Variants in SYCP1 observed in about 807,000 individuals in gnomAD.
SYCP1 encodes the protein cancer/testis antigen 8.
SYCP1 carries 64 observed loss-of-function variants against 153.1 expected under a neutral mutation model. That is an observed-to-expected ratio of 0.42 (90% CI 0.34 to 0.51). The LOEUF is 0.51. Among genes scored for constraint, SYCP1 ranks in the 20% least tolerant of loss-of-function variants. The pLI is 0.06. For missense variants in SYCP1, 997 were observed against 1,049.0 expected, an observed-to-expected ratio of 0.95 and a Z score of 0.68; for synonymous variants, 384 against 341.8, an observed-to-expected ratio of 1.12 and a Z score of -1.36.
chr1:114,904,541 G>A (rs568137011), intron 16 of SYCP1, among the ~76,000 whole-genome samples: 4 of 152,228 alleles, frequency 2.6e-5, no homozygotes, highest in Admixed American at 6.5e-5. Context: ...GTACATGAAC[G>A]TAGTATCTGT....
chr1:114,857,966 A>T (rs1030108455), intron 5 of SYCP1, among the ~76,000 whole-genome samples: 1 of 152,038 alleles, frequency 6.6e-6, no homozygotes, highest in Non-Finnish European at 1.5e-5. Flanking sequence ...GTATCACAGA[A>T]TTTAAAATAT....
intron 24 of SYCP1, 69 bp from the exon 25 acceptor site, chr1:114,944,803 T>C (rs912611116): frequency 3.5e-5 from 40 of 1,132,748 alleles, no homozygotes; most frequent in African/African-American, 4.8e-5. Context: ...GTAGAACATA[T>C]ACTTTTTACA....
intron 27 of SYCP1, among the ~76,000 whole-genome samples, chr1:114,948,209 T>C (rs967314124): frequency 1.3e-5 from 2 of 152,202 alleles, no homozygotes; most frequent in African/African-American, 4.8e-5. Context: ...GTGAATTGAT[T>C]CACCCTATAA....
intron 12 of SYCP1, among the ~76,000 whole-genome samples, chr1:114,881,937 C>T (rs1246022700): frequency 1.3e-5 from 2 of 152,146 alleles, no homozygotes; most frequent in Non-Finnish European, 2.9e-5. Flanking sequence ...ATAGCTTCTT[C>T]AATCTGTAAA....
At chr1:114,858,857 A>C in intron 6 of SYCP1, 146 bp downstream of exon 6, 1 of 692,102 alleles carries the variant, frequency 1.4e-6, no homozygotes, top group Admixed American at 2.7e-5. Flanking sequence ...AGTTACATCA[A>C]TACTGGATAC....
At chr1:114,961,685 TC>T (rs934059902) in intron 27 of SYCP1, among the ~76,000 whole-genome samples, 2 of 152,218 alleles carry the variant, frequency 1.3e-5, no homozygotes, top group Non-Finnish European at 2.9e-5. Flanking sequence ...CCAATTTTAT[TC>T]CACTGTGGTC....
At chr1:114,891,538 C>T (rs1666701062) in intron 15 of SYCP1, among the ~76,000 whole-genome samples, 1 of 152,160 alleles carries the variant, frequency 6.6e-6, no homozygotes, top group Admixed American at 6.5e-5. Flanking sequence ...AAGTCAACTG[C>T]AATAGGAAAT....
intron 16 of SYCP1, among the ~76,000 whole-genome samples, chr1:114,906,664 T>A (rs1667829814): frequency 6.6e-6 from 1 of 152,226 alleles, no homozygotes. Flanking sequence ...AATTTCCTGT[T>A]ATTTTTTGTT....
rs1557792510 is a variant in SYCP1 at position 114,911,080 on chromosome 1, C to CATTATAGTTCTTATTATTTTAT, written c.1426-398_1426-397insTTATAGTTCTTATTATTTTATA. Among the ~76,000 whole-genome samples the CATTATAGTTCTTATTATTTTAT allele has an allele frequency of 3.9e-4, 60 of 152,080 alleles. 1 individual carries two copies. The highest frequency in any genetic ancestry group is 3.1e-3 in the South Asian group (15 of 4,818). On this transcript the variant is annotated intron_variant, in intron 17 of 31. Transcript: ENST00000369522. ...GACAGTATTACATCTTGTCTTTTTACAATAATAAGAACATTATAGTTCTTA... is the reference window on the plus strand; with the variant it reads ...GACAGTATTACATCTTGTCTTTTTACATTATAGTTCTTATTATTTTATAATAATAAGAACATTATAGTTCTTA...
At chr1:114,896,755 G>A (rs1282687340) in intron 16 of SYCP1, among the ~76,000 whole-genome samples, 1 of 152,164 alleles carries the variant, frequency 6.6e-6, no homozygotes, top group Non-Finnish European at 1.5e-5. Flanking sequence ...TTTATATAAC[G>A]ATTCACTTCT....
chr1:114,990,346 T>G (rs1428014633), intron 30 of SYCP1, among the ~76,000 whole-genome samples: 1 of 151,786 alleles, frequency 6.6e-6, no homozygotes, highest in African/African-American at 2.4e-5. Context: ...GCAAAAACAG[T>G]GCTCAGAGAG....
At chr1:114,960,515 A>G (rs1235345317) in intron 27 of SYCP1, among the ~76,000 whole-genome samples, 1 of 152,102 alleles carries the variant, frequency 6.6e-6, no homozygotes, top group Non-Finnish European at 1.5e-5. Flanking sequence ...ACTAATTTAC[A>G]TTCCCACCAG....
intron 2 of SYCP1, among the ~76,000 whole-genome samples, chr1:114,856,062 C>T (rs570185704): frequency 6.6e-6 from 1 of 152,168 alleles, no homozygotes; most frequent in Admixed American, 6.5e-5. Context: ...GGAATTATAC[C>T]AAGTTTCTCA....
intron 15 of SYCP1, among the ~76,000 whole-genome samples, chr1:114,888,515 T>C (rs2101561875): frequency 6.6e-6 from 1 of 152,126 alleles, no homozygotes; most frequent in Admixed American, 6.6e-5. Flanking sequence ...ATCCTTTTTT[T>C]CTGTGAGGCT....
In SYCP1 at chr1:114,876,905, A is replaced by T. The variant is rs868298374; in HGVS notation, c.801+95A>T. 2.9e-4 allele frequency: 169 copies of T among 577,860 alleles called. No homozygotes were observed. In the Middle Eastern group the frequency reaches 6.9e-3, roughly 23 times the overall value. The allele number at this position is 577,860 out of a possible 1,614,324, so 35.8% of individuals were successfully genotyped here. A position where few individuals can be genotyped will look rare whatever the true frequency, so the allele number is the denominator to read the frequency against. On this transcript the variant is annotated intron_variant, in intron 11 of 31. Transcript: ENST00000369522. ...GAAGTTTATATTTACTGAAAGTATG[A>T]TAAATTCCTATGAGAGAATTTTAAT...
chr1:114,976,743 G>C (rs1672816529), intron 27 of SYCP1, among the ~76,000 whole-genome samples: 2 of 151,760 alleles, frequency 1.3e-5, no homozygotes, highest in South Asian at 4.1e-4. Flanking sequence ...AAATACTATT[G>C]CATCAGTTTA....
chr1:114,863,283 A>AG (rs35850967), intron 8 of SYCP1, among the ~76,000 whole-genome samples: 85,247 of 151,960 alleles, frequency 0.56, 24,272 homozygotes, highest in African/African-American at 0.63. Context: ...GGCCAGGCAC[A>AG]GGGCTCACGC....
intron 20 of SYCP1, among the ~76,000 whole-genome samples, chr1:114,914,393 T>C (rs1668382008): frequency 6.6e-6 from 1 of 151,872 alleles, no homozygotes; most frequent in Admixed American, 6.6e-5. Context: ...AGAGTATTTA[T>C]ACCCACTCTA....
chr1:114,961,634 C>T (rs574054069), intron 27 of SYCP1, among the ~76,000 whole-genome samples: 7 of 152,206 alleles, frequency 4.6e-5, no homozygotes, highest in African/African-American at 9.6e-5. Flanking sequence ...TTAATTTTCA[C>T]GTATTTGCCT....
Sources: allele counts gnomAD v4.1 joint callset (sites outside exome capture counted in the v4.1 genomes callset), GRCh38; gene constraint gnomAD v4.1.1; transcripts MANE v1.5; gene names NCBI Gene and HGNC (gene_info 2026-07-23, HGNC 2026-07-21).